Variants in AGMO observed in about 807,000 individuals in gnomAD.
AGMO encodes alkylglycerol monooxygenase.
Under a neutral mutation model 60.2 loss-of-function variants are expected in AGMO, and 75 were observed. The ratio of observed to expected loss-of-function variants is 1.25; its 90% CI spans 1.03 to 1.51. The LOEUF (loss-of-function observed/expected upper bound fraction) is 1.51. Ranked by LOEUF, AGMO falls within the 40% of genes most tolerant of loss-of-function variation. The pLI, the probability that AGMO is intolerant of heterozygous loss-of-function variation, is 0.00. For synonymous variants in AGMO, 261 were observed against 177.1 expected, an observed-to-expected ratio of 1.47 and a Z score of -3.76; for missense variants, 763 against 525.5, an observed-to-expected ratio of 1.45 and a Z score of -4.42.
chr7:15,534,959 T>G (rs2128544088), intron 3 of AGMO, among the ~76,000 whole-genome samples: 1 of 152,066 alleles, frequency 6.6e-6, no homozygotes, highest in African/African-American at 2.4e-5. Context: ...AATTCATAAC[T>G]TTTTTACTTA....
At position 15,561,758 on chromosome 7, in the gene AGMO, A is replaced by G. The variant is rs958044159; in HGVS notation, c.88T>C (p.Phe30Leu). The change falls in exon 1 of 13, where the codon TTC (phenylalanine) becomes CTC (leucine). Residue 30 changes from phenylalanine to leucine, a missense_variant. Phe to Leu is a conservative substitution (Grantham distance 22, BLOSUM62 0). Coordinates refer to ENST00000342526, the MANE Select transcript of AGMO (RefSeq NM_001004320.2). ...TCAGGCACCTCTTCTAATGTTTGGA[A>G]TGAAGTTTCACTGGGTTTCATCGTG... ...FYTMKPSETS[F>L]QTLEEVPDYV... 6.2e-7 allele frequency: 1 copy of G among 1,612,266 alleles called. No homozygotes were observed. The highest frequency in any genetic ancestry group is 8.5e-7 in the Non-Finnish European group (1 of 1,178,820).
At chr7:15,516,544 G>A (rs755410490) in intron 3 of AGMO, among the ~76,000 whole-genome samples, 20 of 152,170 alleles carry the variant, frequency 1.3e-4, no homozygotes, top group East Asian at 3.9e-4. Context: ...TAAAAAAGTC[G>A]GATTACTGAA....
chr7:15,266,358 A>G (rs1783430992), intron 12 of AGMO, among the ~76,000 whole-genome samples: 1 of 151,996 alleles, frequency 6.6e-6, no homozygotes, highest in African/African-American at 2.4e-5. Flanking sequence ...AATTGTCAAG[A>G]TGGTATTTTT....
chr7:15,198,196 CGAGAGA>C (rs748392069), downstream of AGMO, among the ~76,000 whole-genome samples: 2,603 of 77,126 alleles, frequency 0.034, 43 homozygotes, highest in East Asian at 0.047. Context: ...AGGGCTTTCC[CGAGAGA>C]GAGAGAGAGA....
At chr7:15,543,209 A>G (rs1225835881) in intron 3 of AGMO, among the ~76,000 whole-genome samples, 1 of 152,122 alleles carries the variant, frequency 6.6e-6, no homozygotes, top group African/African-American at 2.4e-5. Flanking sequence ...GCTCTTCAGT[A>G]GTTTTTCAAG....
At chr7:15,136,775 G>A in the AGMO span, among the ~76,000 whole-genome samples, 8 of 151,870 alleles carry the variant, frequency 5.3e-5, no homozygotes, top group Admixed American at 2.6e-4. Context: ...GCACGCGTGC[G>A]TATTTAAGAG....
At chr7:15,434,408 G>A (rs953358765) in intron 3 of AGMO, among the ~76,000 whole-genome samples, 1 of 152,060 alleles carries the variant, frequency 6.6e-6, no homozygotes, top group Non-Finnish European at 1.5e-5. Flanking sequence ...AAAGATGATG[G>A]GATGTCACTT....
chr7:15,388,920 A>AG (rs1414032075), intron 8 of AGMO, among the ~76,000 whole-genome samples: 2 of 152,172 alleles, frequency 1.3e-5, no homozygotes, highest in Non-Finnish European at 2.9e-5. Flanking sequence ...AGGAAATGTG[A>AG]GGGGGAAAGA....
intron 12 of AGMO, among the ~76,000 whole-genome samples, chr7:15,258,903 C>T (rs1351016501): frequency 6.6e-6 from 1 of 152,028 alleles, no homozygotes; most frequent in African/African-American, 2.4e-5. Context: ...GAGCACTCCA[C>T]AGGAAAAAAG....
chr7:15,491,225 G>A (rs1042025327), intron 3 of AGMO, among the ~76,000 whole-genome samples: 1 of 152,150 alleles, frequency 6.6e-6, no homozygotes, highest in Non-Finnish European at 1.5e-5. Flanking sequence ...TGGTTTAGTC[G>A]AGGGGCTTGG....
intron 12 of AGMO, among the ~76,000 whole-genome samples, chr7:15,359,823 A>G (rs1782682640): frequency 1.3e-5 from 2 of 152,224 alleles, no homozygotes; most frequent in African/African-American, 4.8e-5. Flanking sequence ...TAAAATACAA[A>G]AAATCCTGAA....
At chr7:15,188,187 C>T in the AGMO span, among the ~76,000 whole-genome samples, 1 of 152,114 alleles carries the variant, frequency 6.6e-6, no homozygotes, top group African/African-American at 2.4e-5. Flanking sequence ...CTTTATTGAC[C>T]TTTCTGAAGC....
At chr7:15,231,138 T>C (rs1281099459) in intron 12 of AGMO, among the ~76,000 whole-genome samples, 1 of 152,190 alleles carries the variant, frequency 6.6e-6, no homozygotes, top group Non-Finnish European at 1.5e-5. Context: ...TAACAAAATA[T>C]AGACTGCCAC....
At chr7:15,363,180 C>G (rs1244180603) in intron 12 of AGMO, among the ~76,000 whole-genome samples, 1 of 152,202 alleles carries the variant, frequency 6.6e-6, no homozygotes, top group Non-Finnish European at 1.5e-5. Flanking sequence ...GTCACAGATA[C>G]AGTGTCAGGA....
intron 10 of AGMO, among the ~76,000 whole-genome samples, chr7:15,370,783 A>C (rs114494263): frequency 6.6e-6 from 1 of 151,970 alleles, no homozygotes; most frequent in East Asian, 1.9e-4. Context: ...TAGATTTTGC[A>C]TATTAGTCCT....
chr7:15,541,684 T>C (rs1784634507), intron 3 of AGMO, among the ~76,000 whole-genome samples: 2 of 152,174 alleles, frequency 1.3e-5, no homozygotes, highest in African/African-American at 4.8e-5. Context: ...GAATAAACTG[T>C]TTTCTGCTAA....
At chr7:15,303,609 G>T (rs1583384382) in intron 12 of AGMO, among the ~76,000 whole-genome samples, 1 of 152,094 alleles carries the variant, frequency 6.6e-6, no homozygotes, top group Admixed American at 6.6e-5. Context: ...TAACTGCAAT[G>T]TGTGTTTCTT....
chr7:15,540,263 G>A (rs1172737753), intron 3 of AGMO, among the ~76,000 whole-genome samples: 1 of 152,162 alleles, frequency 6.6e-6, no homozygotes, highest in Non-Finnish European at 1.5e-5. Flanking sequence ...CTGGAACTCT[G>A]TTGGTGACAG....
intron 2 of AGMO, among the ~76,000 whole-genome samples, chr7:15,547,777 A>T (rs1784828202): frequency 6.6e-6 from 1 of 151,810 alleles, no homozygotes; most frequent in African/African-American, 2.4e-5. Context: ...TTAGGTAAAC[A>T]AAGCAGCCGG....
Sources: gnomAD v4.1 joint callset for allele counts (sites outside exome capture counted in the v4.1 genomes callset) on GRCh38, gnomAD v4.1.1 for gene constraint, MANE v1.5 for transcripts, NCBI Gene and HGNC (gene_info 2026-07-23, HGNC 2026-07-21) for gene names.